PADI1: variants seen among roughly 807,000 people sequenced by gnomAD.
The protein encoded by PADI1 is peptidyl arginine deiminase 1.
In PADI1, 65 loss-of-function variants were observed where a neutral mutation model predicts 74.8. The ratio of observed to expected loss-of-function variants is 0.87; its 90% confidence interval spans 0.71 to 1.07. PADI1 has a LOEUF of 1.07. Ranked by LOEUF, PADI1 falls within the 50% of genes least tolerant of loss-of-function variation. The probability of loss-of-function intolerance (pLI) is 0.00; values close to 1 mark genes in which losing one functional copy is unlikely to be tolerated. For synonymous variants in PADI1, 371 were observed against 336.2 expected (o/e 1.10, Z -1.13); for missense variants, 943 against 854.0 (o/e 1.10, Z -1.30).
chr1:17,232,146 C>G (rs190446184), intron 10 of PADI1, among the ~76,000 whole-genome samples: 2 of 152,158 alleles, frequency 1.3e-5, no homozygotes, highest in Non-Finnish European at 2.9e-5. Context: ...TGGGGTTTCA[C>G]CATGTTGTCC....
chr1:17,226,356 G>A (rs1223409124), intron 6 of PADI1, among the ~76,000 whole-genome samples, 198 bp downstream of exon 6: 2 of 152,152 alleles, frequency 1.3e-5, no homozygotes, highest in Non-Finnish European at 2.9e-5. Context: ...GAGGAAAACC[G>A]AGGCTCAGAT....
chr1:17,205,458 A>C (rs2071659405), intron 1 of PADI1, 149 bp downstream of exon 1: 2 of 690,092 alleles, frequency 2.9e-6, no homozygotes, highest in Admixed American at 4.3e-5. Context: ...GGAGTCTGGA[A>C]GGAAGGAACT....
At chr1:17,216,041 A>G (rs1431116016) in intron 1 of PADI1, among the ~76,000 whole-genome samples, 2 of 151,912 alleles carry the variant, frequency 1.3e-5, no homozygotes, top group South Asian at 4.2e-4. Flanking sequence ...GGCTGGGCGG[A>G]CCGCAGGGAT....
intron 4 of PADI1, among the ~76,000 whole-genome samples, chr1:17,225,164 G>A (rs1307415497): frequency 1.3e-5 from 2 of 152,164 alleles, no homozygotes; most frequent in Non-Finnish European, 2.9e-5. Flanking sequence ...CAAGAACCTG[G>A]GTTTAAAGGC....
intron 15 of PADI1, among the ~76,000 whole-genome samples, chr1:17,242,708 TAGA>T (rs2072802233): frequency 6.6e-6 from 1 of 152,176 alleles, no homozygotes; most frequent in African/African-American, 2.4e-5. Context: ...AACTGAGGCT[TAGA>T]AGGAGAGTGG....
chr1:17,224,375 C>T lies in PADI1; in HGVS notation c.355C>T (p.Leu119Phe), dbSNP rs1352738112. 1 of 1,613,774 alleles carries T rather than the reference C, an allele frequency of 6.2e-7. No homozygotes were observed. Among genetic ancestry groups the T allele is most frequent in the Admixed American group, 1.7e-5 (1 of 60,018 alleles). Reference sequence around the variant, plus strand: ...TCTCCATCTCTTTGCAGATATTTCCCTTGAGGTTGACACAGGCCGCACAGG... The same window carrying T: ...TCTCCATCTCTTTGCAGATATTTCCTTTGAGGTTGACACAGGCCGCACAGG... ...VLYLTGVDIS[L>F]EVDTGRTGKV... The change falls in exon 4 of 16, where the codon CTT becomes TTT. Residue 119 changes from leucine to phenylalanine, a missense_variant. Leu to Phe is a conservative substitution (Grantham distance 22). Coordinates refer to ENST00000375471, the MANE Select transcript of PADI1 (RefSeq NM_013358.3).
chr1:17,240,611 C>A, intron 14 of PADI1, 24 bp from the exon 15 acceptor site: 1 of 1,612,150 alleles, frequency 6.2e-7, no homozygotes, highest in African/African-American at 1.3e-5. Flanking sequence ...TAGTCCTGGG[C>A]TGCCCAGCTG....
At chr1:17,213,643 T>G (rs556212592) in intron 1 of PADI1, among the ~76,000 whole-genome samples, 1 of 152,088 alleles carries the variant, frequency 6.6e-6, no homozygotes, top group Non-Finnish European at 1.5e-5. Flanking sequence ...GGAGTTGGAG[T>G]GAAGTCTAGA....
chr1:17,208,790 G>A (rs2071756085), intron 1 of PADI1, among the ~76,000 whole-genome samples: 2 of 152,236 alleles, frequency 1.3e-5, no homozygotes, highest in Admixed American at 6.5e-5. Flanking sequence ...GGGGTGGGAA[G>A]TGTGAGGAAT....
At chr1:17,206,683 C>CTTTTTTTTTTTTT (rs796276122) in intron 1 of PADI1, among the ~76,000 whole-genome samples, 3 of 109,764 alleles carry the variant, frequency 2.7e-5, no homozygotes, top group Non-Finnish European at 5.7e-5. Flanking sequence ...TTTTCTTTTT[C>CTTTTTTTTTTTTT]TTTTTTTTTT....
Position 17,239,671 on chromosome 1 carries a change from CCTGAGCTATGTACTGT to C in PADI1, c.1553-30_1553-15del. ...TGAAGACGGCCTCCAGGCAGTGCTC[CCTGAGCTATGTACTGT>C]CTTTCTCTTCTTGCAGGGTTAAAAC... is the stretch of plus-strand genomic sequence containing the variant. On this transcript the variant is annotated splice_polypyrimidine_tract_variant and intron_variant, in intron 13 of 15. Coordinates refer to ENST00000375471, the MANE Select transcript of PADI1 (RefSeq NM_013358.3). The C allele has an allele frequency of 6.4e-7, 1 of 1,552,334 alleles. No homozygotes were observed. The highest frequency in any genetic ancestry group is 8.9e-7 in the Non-Finnish European group (1 of 1,123,944).
Position 17,228,965 on chromosome 1 carries a change from C to A in PADI1, c.843C>A (p.Thr281=). The change falls in exon 8 of 16, where the codon ACC becomes ACA. Residue 281 remains threonine (T), a synonymous_variant. Coordinates refer to ENST00000375471, the MANE Select transcript of PADI1 (RefSeq NM_013358.3). The stretch of plus-strand genomic sequence containing the variant: ...CCCCTCAGACCCTGCCCGAGGTGAC[C>A]CTCTTCACAGACACTGTGGGCTTCC... The part of the protein sequence containing the change: ...LVDPGTLPEV[T]LFTDTVGFRM... 6.3e-7 allele frequency: 1 copy of A among 1,599,790 alleles called. No homozygotes were observed. Among genetic ancestry groups the A allele is most frequent in the African/African-American group, 1.3e-5 (1 of 74,796 alleles).
intron 1 of PADI1, among the ~76,000 whole-genome samples, chr1:17,219,572 C>T (rs560999289): frequency 7.9e-5 from 12 of 152,068 alleles, no homozygotes; most frequent in Admixed American, 2.0e-4. Context: ...GGGTGCAGCA[C>T]ACCATCTACA....
intron 14 of PADI1, chr1:17,240,045 C>A (rs2072741624): frequency 1.1e-5 from 5 of 456,778 alleles, no homozygotes; most frequent in Non-Finnish European, 2.0e-5. Flanking sequence ...TTCACAGAAG[C>A]AAATCTGAGC....
At position 17,234,287 on chromosome 1, in the gene PADI1, A is replaced by G. The variant is rs373012012; in HGVS notation, c.1313+1317A>G. Among the ~76,000 whole-genome samples, 4 of 152,346 alleles carry G rather than the reference A, an allele frequency of 2.6e-5. No homozygotes were observed. In the East Asian group the frequency reaches 5.8e-4, roughly 22 times the overall value. ...AGTGAACAAAACAGATGCATTTTAA[A>G]TGAGCAAATTATTTTGTACTCCATG... On this transcript the variant is annotated intron_variant, in intron 11 of 15. Coordinates refer to ENST00000375471, the MANE Select transcript of PADI1 (RefSeq NM_013358.3).
intron 8 of PADI1, among the ~76,000 whole-genome samples, chr1:17,229,788 C>G (rs1215532714): frequency 6.6e-6 from 1 of 152,194 alleles, no homozygotes; most frequent in Non-Finnish European, 1.5e-5. Flanking sequence ...GCTATTTTAA[C>G]CCAAAAGATT....
At chr1:17,243,058 A>C (rs2072809710) in intron 15 of PADI1, among the ~76,000 whole-genome samples, 1 of 152,186 alleles carries the variant, frequency 6.6e-6, no homozygotes, top group Admixed American at 6.5e-5. Context: ...GGAGAGTTTG[A>C]GGGCAGAGTC....
At chr1:17,213,982 C>T (rs567415366) in intron 1 of PADI1, among the ~76,000 whole-genome samples, 2 of 152,322 alleles carry the variant, frequency 1.3e-5, no homozygotes, top group South Asian at 4.1e-4. Context: ...GAGGACGCTG[C>T]TCTGGGCGGC....
intron 6 of PADI1, 29 bp downstream of exon 6, chr1:17,226,187 C>T: frequency 1.2e-6 from 2 of 1,611,502 alleles, no homozygotes; most frequent in Non-Finnish European, 1.7e-6. Flanking sequence ...CCTTTTCCTC[C>T]CAGCTCCATC....
Sources: allele counts gnomAD v4.1 joint callset (sites outside exome capture counted in the v4.1 genomes callset), GRCh38; gene constraint gnomAD v4.1.1; transcripts MANE v1.5; gene names NCBI Gene and HGNC (gene_info 2026-07-23, HGNC 2026-07-21).